Variants in OPHN1 observed in about 807,000 individuals in gnomAD.
The protein encoded by OPHN1 is oligophrenin 1.
OPHN1 carries 11 observed loss-of-function variants against 60.7 expected under a neutral mutation model. The ratio of observed to expected loss-of-function variants is 0.18; its 90% confidence interval spans 0.11 to 0.30. OPHN1 has a LOEUF of 0.30. Ranked by LOEUF, OPHN1 falls within the 10% of genes least tolerant of loss-of-function variation. The probability of loss-of-function intolerance (pLI) is 1.00; values close to 1 mark genes in which losing one functional copy is unlikely to be tolerated. For missense variants in OPHN1, 449 were observed against 611.0 expected (o/e 0.73, Z 2.80); for synonymous variants, 226 against 222.6 (o/e 1.02, Z -0.14).
rs185657868 is a variant in OPHN1, at chrX:68,314,856, C to T, written c.155-15760G>A. ...CAAAAATTAGCTGGGCATGGTGGCA[C>T]ATGCATATAGTCCCAGCTACTCAGG... On this transcript the variant is annotated intron_variant, in intron 2 of 24. Coordinates refer to ENST00000355520, the MANE Select transcript of OPHN1 (RefSeq NM_002547.3). Among the ~76,000 whole-genome samples, 5 of 108,855 alleles carry T rather than the reference C, an allele frequency of 4.6e-5. No individual in the cohort carries two copies. In the East Asian group the frequency reaches 1.5e-3, roughly 32 times the overall value. The allele number at this position is 108,855 out of a possible 115,157, so 94.5% of individuals were successfully genotyped here.
chrX:68,386,690 A>G (rs1399752163), intron 2 of OPHN1, among the ~76,000 whole-genome samples: 3 of 112,144 alleles, frequency 2.7e-5, no homozygotes, highest in Non-Finnish European at 5.6e-5. Context: ...CAGTGTCTTA[A>G]TTCTAAGATT....
chrX:68,401,382 C>G (rs1349551688), intron 2 of OPHN1, among the ~76,000 whole-genome samples: 2 of 111,915 alleles, frequency 1.8e-5, no homozygotes, highest in African/African-American at 6.5e-5. Flanking sequence ...TCTAGATAGA[C>G]TACCAGGATT....
intron 2 of OPHN1, among the ~76,000 whole-genome samples, chrX:68,426,887 CAAACAA>C (rs2078861450): frequency 4.2e-5 from 1 of 23,588 alleles, no homozygotes. Flanking sequence ...TCTCTTAAAA[CAAACAA>C]AAAAAAAAAA....
At chrX:68,227,238 A>T (rs2077699449) in intron 6 of OPHN1, among the ~76,000 whole-genome samples, 1 of 111,789 alleles carries the variant, frequency 8.9e-6, no homozygotes, top group African/African-American at 3.3e-5. Flanking sequence ...CCAATACAGG[A>T]GCACACAGAT....
intron 5 of OPHN1, among the ~76,000 whole-genome samples, chrX:68,267,253 T>C (rs910508698): frequency 4.5e-5 from 5 of 110,876 alleles, no homozygotes; most frequent in Non-Finnish European, 9.4e-5. Context: ...CCACACCTAC[T>C]CCAAAATTGA....
At chrX:68,295,045 C>T (rs1045728841) in intron 3 of OPHN1, among the ~76,000 whole-genome samples, 3 of 111,304 alleles carry the variant, frequency 2.7e-5, no homozygotes, top group East Asian at 2.8e-4. Flanking sequence ...ACAAAATGCT[C>T]GCTGATGTTA....
At chrX:68,362,349 T>C (rs750979121) in intron 2 of OPHN1, among the ~76,000 whole-genome samples, 28 of 111,473 alleles carry the variant, frequency 2.5e-4, no homozygotes, top group African/African-American at 7.5e-4. Context: ...AGTAGAATGA[T>C]AGTTAGCAGG....
At chrX:68,077,735 G>A (rs894527063) in intron 19 of OPHN1, among the ~76,000 whole-genome samples, 6 of 112,132 alleles carry the variant, frequency 5.4e-5, no homozygotes, top group Non-Finnish European at 3.8e-5. Context: ...AATGTCAACA[G>A]ATACATTCCT....
chrX:68,310,174 A>G (rs7063497), intron 2 of OPHN1, among the ~76,000 whole-genome samples: 9,095 of 110,932 alleles, frequency 0.082, 939 homozygotes, highest in African/African-American at 0.29. Context: ...AGAATTGACT[A>G]TATGTGGTAG....
At chrX:68,170,971 C>G (rs2077388278) in intron 15 of OPHN1, among the ~76,000 whole-genome samples, 1 of 110,537 alleles carries the variant, frequency 9.0e-6, no homozygotes, top group Non-Finnish European at 1.9e-5. Flanking sequence ...AGGATGGTTA[C>G]AAGAGTCTGG....
chrX:68,125,853 TACCAAA>T, intron 15 of OPHN1, among the ~76,000 whole-genome samples: 1 of 96,757 alleles, frequency 1.0e-5, no homozygotes, highest in South Asian at 5.4e-4. Context: ...ATTACCCTGA[TACCAAA>T]ACCAGACCAA....
intron 2 of OPHN1, among the ~76,000 whole-genome samples, chrX:68,332,235 C>CT (rs751255057): frequency 3.4e-4 from 37 of 109,899 alleles, no homozygotes; most frequent in South Asian, 1.2e-3. Context: ...AGGCAGAGAA[C>CT]TTTTTTTTTC....
intron 5 of OPHN1, among the ~76,000 whole-genome samples, chrX:68,272,066 A>G (rs2077972723): frequency 9.2e-6 from 1 of 108,716 alleles, no homozygotes; most frequent in Non-Finnish European, 1.9e-5. Flanking sequence ...TGCTCACTAT[A>G]AAGGAAAGAT....
chrX:68,262,811 G>A (rs866070613), intron 5 of OPHN1, among the ~76,000 whole-genome samples: 5 of 101,840 alleles, frequency 4.9e-5, no homozygotes, highest in Admixed American at 4.6e-4. Flanking sequence ...GGACAGGACA[G>A]GACAGGACAA....
intron 18 of OPHN1, among the ~76,000 whole-genome samples, chrX:68,105,047 T>C (rs138502168): frequency 2.7e-5 from 3 of 111,790 alleles, no homozygotes; most frequent in African/African-American, 9.7e-5. Context: ...CCAAGAAACA[T>C]ATGAAAGAAA....
intron 15 of OPHN1, among the ~76,000 whole-genome samples, chrX:68,161,845 A>G (rs1028298836): frequency 3.6e-5 from 4 of 111,567 alleles, no homozygotes; most frequent in Admixed American, 1.9e-4. Flanking sequence ...AAGAAAATTT[A>G]TAAAGTAATT....
intron 3 of OPHN1, among the ~76,000 whole-genome samples, chrX:68,287,652 A>G (rs1444218272): frequency 2.7e-5 from 3 of 111,857 alleles, no homozygotes; most frequent in Non-Finnish European, 5.6e-5. Flanking sequence ...GTTTGCACAC[A>G]TTGCATGATT....
At chrX:68,285,401 A>G (rs1003924590) in intron 3 of OPHN1, among the ~76,000 whole-genome samples, 1 of 111,291 alleles carries the variant, frequency 9.0e-6, no homozygotes, top group Non-Finnish European at 1.9e-5. Flanking sequence ...GCATCCCATA[A>G]GATTTAGTAT....
chrX:68,057,536 C>T (rs1327595371), intron 21 of OPHN1, among the ~76,000 whole-genome samples: 1 of 111,789 alleles, frequency 8.9e-6, no homozygotes, highest in African/African-American at 3.3e-5. Context: ...GATGACATCC[C>T]TAAAATATGA....
Sources: allele counts gnomAD v4.1 joint callset (sites outside exome capture counted in the v4.1 genomes callset), GRCh38; gene constraint gnomAD v4.1.1; transcripts MANE v1.5; gene names NCBI Gene and HGNC (gene_info 2026-07-23, HGNC 2026-07-21).